Variants in GIGYF2 observed in about 807,000 individuals in gnomAD.
GIGYF2 encodes GRB10-interacting GYF protein 2.
Under a neutral mutation model 208.1 loss-of-function variants are expected in GIGYF2, and 25 were observed. That is an observed-to-expected ratio of 0.12 (90% CI 0.09 to 0.17). The LOEUF (loss-of-function observed/expected upper bound fraction) is 0.17. Among genes scored for constraint, GIGYF2 ranks in the 10% least tolerant of loss-of-function variants. GIGYF2 has a pLI of 1.00. For missense variants in GIGYF2, 1,302 were observed against 1,579.4 expected (o/e 0.82, Z 2.98); for synonymous variants, 534 against 543.8 (o/e 0.98, Z 0.25).
At chr2:232,790,664 T>C (rs1017646262) in intron 9 of GIGYF2, 34 bp from the exon 10 acceptor site, 1 of 1,543,360 alleles carries the variant, frequency 6.5e-7, no homozygotes, top group Non-Finnish European at 9.0e-7. Context: ...GTCATAAAAC[T>C]TTTCTAAGGT....
chr2:232,777,098 T>A (rs1392421856), intron 8 of GIGYF2, among the ~76,000 whole-genome samples: 1 of 152,174 alleles, frequency 6.6e-6, no homozygotes, highest in Non-Finnish European at 1.5e-5. Flanking sequence ...TTTTATTTTT[T>A]TGGTTAGGAA....
At chr2:232,707,246 A>C (rs902119226) in intron 2 of GIGYF2, among the ~76,000 whole-genome samples, 1 of 152,148 alleles carries the variant, frequency 6.6e-6, no homozygotes, top group Non-Finnish European at 1.5e-5. Context: ...CTTTTATTCA[A>C]ATTCTCCTGG....
At chr2:232,735,890 G>A (rs1697714012) in intron 3 of GIGYF2, 2 of 981,746 alleles carry the variant, frequency 2.0e-6, no homozygotes, top group South Asian at 4.7e-5. Flanking sequence ...CTCTTCAGTG[G>A]CATCAATAAT....
chr2:232,848,940 T>C (rs1008463604), intron 27 of GIGYF2, among the ~76,000 whole-genome samples: 3 of 152,214 alleles, frequency 2.0e-5, no homozygotes, highest in African/African-American at 7.2e-5. Context: ...TCTACAAGTT[T>C]TCTGAAAGAC....
rs1440930143 is a variant in GIGYF2, at chr2:232,735,431, T to A, written c.41+193T>A. The A allele has an allele frequency of 3.1e-5, 15 of 484,256 alleles. No homozygotes were observed. The East Asian group carries it at 3.4e-4, about 11-fold the overall frequency. The allele number at this position is 484,256 out of a possible 1,614,324, so 30.0% of individuals were successfully genotyped here. A position where few individuals can be genotyped will look rare whatever the true frequency, so the allele number is the denominator to read the frequency against. On this transcript the variant is annotated intron_variant, in intron 3 of 28. Coordinates refer to ENST00000373563, the MANE Select transcript of GIGYF2 (RefSeq NM_001103146.3). ...GAGTGTATTCTATACTTAATTAAAA[T>A]TTTTTTTCTTTGTCTGGTTATATAT...
At position 232,757,667 on chromosome 2, in the gene GIGYF2, C is replaced by T. The variant is rs193133780; in HGVS notation, c.379+1333C>T. Among the ~76,000 whole-genome samples the T allele has an allele frequency of 2.8e-4, 42 of 151,892 alleles. No homozygotes were observed. In the East Asian group the frequency reaches 6.0e-3, roughly 22 times the overall value. ...AGGTTGTACTTGGGCAGCTTTGCCTCCAGTGCTTTTCAGGGCAAGCCAGGG... is the reference window on the plus strand; with the variant it reads ...AGGTTGTACTTGGGCAGCTTTGCCTTCAGTGCTTTTCAGGGCAAGCCAGGG... On this transcript the variant is annotated intron_variant, in intron 6 of 28. Coordinates refer to ENST00000373563, the MANE Select transcript of GIGYF2 (RefSeq NM_001103146.3).
At chr2:232,836,290 A>ACT (rs1339346990) in intron 22 of GIGYF2, among the ~76,000 whole-genome samples, 4 of 8,508 alleles carry the variant, frequency 4.7e-4, no homozygotes, top group African/African-American at 1.3e-3. Context: ...ATATATATAT[A>ACT]TATATATATA....
chr2:232,750,001 A>G (rs1698280117), intron 5 of GIGYF2, among the ~76,000 whole-genome samples: 1 of 152,104 alleles, frequency 6.6e-6, no homozygotes, highest in Non-Finnish European at 1.5e-5. Context: ...CCTGGCCAAC[A>G]TGGTGAAACC....
intron 22 of GIGYF2, among the ~76,000 whole-genome samples, chr2:232,836,969 G>A (rs1335625908): frequency 6.6e-6 from 1 of 152,204 alleles, no homozygotes; most frequent in East Asian, 1.9e-4. Flanking sequence ...AGTGGGCACA[G>A]TGGTCTGCTT....
At chr2:232,766,402 T>C (rs1698964706) in intron 8 of GIGYF2, 1 of 164,818 alleles carries the variant, frequency 6.1e-6, no homozygotes, top group African/African-American at 2.4e-5. Flanking sequence ...GCAGCTTCAC[T>C]TAACAAGCGA....
At chr2:232,725,964 T>C (rs545885087) in intron 2 of GIGYF2, among the ~76,000 whole-genome samples, 15 of 152,350 alleles carry the variant, frequency 9.8e-5, no homozygotes, top group African/African-American at 3.4e-4. Context: ...TGTAAAAGTT[T>C]GGAGACCGGG....
At chr2:232,772,642 A>G (rs1699314606) in intron 8 of GIGYF2, among the ~76,000 whole-genome samples, 1 of 152,204 alleles carries the variant, frequency 6.6e-6, no homozygotes, top group Non-Finnish European at 1.5e-5. Context: ...TTAGTGTAGC[A>G]GTTACTAGGA....
At chr2:232,784,977 C>T (rs1699864876) in intron 8 of GIGYF2, among the ~76,000 whole-genome samples, 1 of 152,108 alleles carries the variant, frequency 6.6e-6, no homozygotes. Flanking sequence ...GCTCTCACTT[C>T]ACCTTCCACA....
At chr2:232,740,324 A>G (rs1697926505) in intron 3 of GIGYF2, among the ~76,000 whole-genome samples, 1 of 152,264 alleles carries the variant, frequency 6.6e-6, no homozygotes, top group African/African-American at 2.4e-5. Context: ...GACTACCCAG[A>G]TAAGTCTAGA....
chr2:232,751,027 C>G (rs1397706961), intron 5 of GIGYF2, among the ~76,000 whole-genome samples: 1 of 152,024 alleles, frequency 6.6e-6, no homozygotes, highest in African/African-American at 2.4e-5. Flanking sequence ...GGATCTCGCT[C>G]TGTTATCTAG....
intron 3 of GIGYF2, chr2:232,735,792 C>T (rs922421642): frequency 4.7e-5 from 46 of 985,324 alleles, no homozygotes; most frequent in East Asian, 2.3e-4. Flanking sequence ...ATGGAATTCT[C>T]ATGGAATTTT....
At chr2:232,855,866 T>C (rs1417199955) in intron 28 of GIGYF2, among the ~76,000 whole-genome samples, 2 of 152,124 alleles carry the variant, frequency 1.3e-5, no homozygotes, top group Non-Finnish European at 2.9e-5. Context: ...AGCCTGTCCT[T>C]GATACACACT....
intron 8 of GIGYF2, among the ~76,000 whole-genome samples, chr2:232,784,386 C>CTTTTTTTTTT (rs10645449): frequency 0.026 from 2,435 of 92,204 alleles, 375 homozygotes; most frequent in Non-Finnish European, 0.039. Flanking sequence ...GAAATAATTT[C>CTTTTTTTTTT]TTTTTTTTTT....
intron 16 of GIGYF2, chr2:232,810,645 T>C (rs1700707073): frequency 6.4e-6 from 1 of 156,026 alleles, no homozygotes; most frequent in South Asian, 1.9e-4. Context: ...TGTTGGTTTG[T>C]AGGATGTATA....
Sources: gnomAD v4.1 joint callset for allele counts (sites outside exome capture counted in the v4.1 genomes callset) on GRCh38, gnomAD v4.1.1 for gene constraint, MANE v1.5 for transcripts, NCBI Gene and HGNC (gene_info 2026-07-23, HGNC 2026-07-21) for gene names.